SNAP91: variants seen among roughly 807,000 people sequenced by gnomAD.
The protein encoded by SNAP91 is synaptosome associated protein 91.
In SNAP91, 27 loss-of-function variants were observed where a neutral mutation model predicts 100.3. The ratio of observed to expected loss-of-function variants is 0.27; its 90% CI spans 0.20 to 0.37. The LOEUF is 0.37. SNAP91 is among the 10% of genes least tolerant of loss of function. The pLI is 1.00. For synonymous variants in SNAP91, 404 were observed against 398.6 expected (o/e 1.01, Z -0.16); for missense variants, 986 against 1,123.7 (o/e 0.88, Z 1.75).
At chr6:83,581,762 A>C (rs1217972817) in intron 23 of SNAP91, among the ~76,000 whole-genome samples, 5 of 152,242 alleles carry the variant, frequency 3.3e-5, no homozygotes, top group Non-Finnish European at 7.3e-5. Context: ...AAATGACAGC[A>C]GTGATGAAAG....
At chr6:83,601,654 C>G in intron 14 of SNAP91, 55 bp from the exon 15 acceptor site, 1 of 1,556,662 alleles carries the variant, frequency 6.4e-7, no homozygotes, top group South Asian at 1.1e-5. Flanking sequence ...AAAGTTGAAA[C>G]ATGCAACCAT....
chr6:83,692,536 T>A (rs1219056967), intron 2 of SNAP91, among the ~76,000 whole-genome samples: 1 of 151,976 alleles, frequency 6.6e-6, no homozygotes, highest in Non-Finnish European at 1.5e-5. Flanking sequence ...ATTACCTATT[T>A]AAATGTTACC....
At chr6:83,616,372 G>A (rs1041980265) in intron 10 of SNAP91, among the ~76,000 whole-genome samples, 1 of 152,164 alleles carries the variant, frequency 6.6e-6, no homozygotes, top group Non-Finnish European at 1.5e-5. Context: ...TTTCGTGCAT[G>A]TAGTGAGGAA....
At chr6:83,645,919 T>C (rs1222034679) in intron 7 of SNAP91, among the ~76,000 whole-genome samples, 1 of 152,214 alleles carries the variant, frequency 6.6e-6, no homozygotes, top group Admixed American at 6.5e-5. Flanking sequence ...GCTGAAAACA[T>C]GCCTTTTCAG....
At chr6:83,686,210 T>G in intron 2 of SNAP91, 2 of 985,322 alleles carry the variant, frequency 2.0e-6, no homozygotes, top group Non-Finnish European at 2.4e-6. Context: ...ACTTGAGTTC[T>G]TCCTGCACCG....
chr6:83,695,554 T>G (rs936906390), intron 2 of SNAP91, among the ~76,000 whole-genome samples: 1 of 152,162 alleles, frequency 6.6e-6, no homozygotes, highest in Admixed American at 6.5e-5. Context: ...ATTATTTACC[T>G]GATATAAAGC....
chr6:83,671,578 A>T (rs2098787269), intron 2 of SNAP91, among the ~76,000 whole-genome samples: 1 of 152,062 alleles, frequency 6.6e-6, no homozygotes, highest in Admixed American at 6.6e-5. Flanking sequence ...ATCTTGCCAC[A>T]AAGTATCAGT....
In SNAP91 at chr6:83,580,452, C is replaced by A. The variant is rs758177440; in HGVS notation, c.2297G>T (p.Gly766Val). The change falls in exon 24 of 30, where the codon GGC becomes GTC. Residue 766 changes from glycine to valine, a missense_variant and splice_region_variant. Physicochemically the swap from Gly to Val is moderately radical, Grantham distance 109. This residue lies in a region of SNAP91 where 575 missense variants were observed against 579.9 expected (regional missense o/e 0.99). Coordinates refer to ENST00000369694, the MANE Select transcript of SNAP91 (RefSeq NM_001242792.2). ...AAAAAAAAAACTAGATTACTCACTG[C>A]CTACTAAGCTGGCAAGAGATGAATC... ...DLDSSLASLV[G>V]NLGISGTTTK... 3.1e-6 allele frequency: 5 copies of A among 1,597,922 alleles called. No individual in the cohort carries two copies. Among genetic ancestry groups the A allele is most frequent in the Non-Finnish European group, 4.3e-6 (5 of 1,175,022 alleles).
intron 3 of SNAP91, among the ~76,000 whole-genome samples, chr6:83,663,859 A>G (rs1274142908): frequency 1.3e-5 from 2 of 152,106 alleles, no homozygotes; most frequent in East Asian, 3.8e-4. Flanking sequence ...AGAATACAGT[A>G]CCTGACTTCA....
At chr6:83,606,370 C>T (rs1222347726) in intron 13 of SNAP91, among the ~76,000 whole-genome samples, 2 of 152,156 alleles carry the variant, frequency 1.3e-5, no homozygotes, top group East Asian at 3.8e-4. Context: ...TTACCTAAAA[C>T]GACTACTGCA....
intron 2 of SNAP91, among the ~76,000 whole-genome samples, chr6:83,688,809 G>T (rs544098200): frequency 7.9e-5 from 12 of 152,174 alleles, no homozygotes; most frequent in East Asian, 1.9e-4. Flanking sequence ...ACTATCTTCA[G>T]GCAAAATTTG....
chr6:83,703,175 A>T (rs866576857), intron 2 of SNAP91, among the ~76,000 whole-genome samples: 1,579 of 146,080 alleles, frequency 0.011, 30 homozygotes, highest in African/African-American at 0.037. Flanking sequence ...TTTTTTTTTT[A>T]AACTAATAGT....
chr6:83,684,789 A>G (rs2099039098), intron 2 of SNAP91, among the ~76,000 whole-genome samples: 1 of 152,198 alleles, frequency 6.6e-6, no homozygotes, highest in Non-Finnish European at 1.5e-5. Flanking sequence ...AAAATCAGAA[A>G]CTATTTAATA....
intron 7 of SNAP91, among the ~76,000 whole-genome samples, chr6:83,645,501 T>G (rs113474556): frequency 6.6e-6 from 1 of 152,220 alleles, no homozygotes; most frequent in East Asian, 1.9e-4. Flanking sequence ...TTTGGACAAA[T>G]GTATAATGAC....
At chr6:83,702,143 G>T (rs1478693365) in intron 2 of SNAP91, among the ~76,000 whole-genome samples, 1 of 152,058 alleles carries the variant, frequency 6.6e-6, no homozygotes, top group Non-Finnish European at 1.5e-5. Flanking sequence ...TGAAACTAAG[G>T]ATAAATGTTT....
chr6:83,664,730 AG>A (rs1159364124), intron 3 of SNAP91, among the ~76,000 whole-genome samples: 2 of 152,172 alleles, frequency 1.3e-5, no homozygotes, highest in African/African-American at 2.4e-5. Flanking sequence ...CAGCTGATAA[AG>A]CAATAGCAAG....
chr6:83,704,902 A>G (rs1442628843), intron 2 of SNAP91, among the ~76,000 whole-genome samples: 1 of 152,206 alleles, frequency 6.6e-6, no homozygotes, highest in South Asian at 2.1e-4. Flanking sequence ...TTCAATGCCT[A>G]TAAAGAAACT....
intron 9 of SNAP91, among the ~76,000 whole-genome samples, chr6:83,619,942 A>C (rs2096647029): frequency 6.6e-6 from 1 of 152,216 alleles, no homozygotes; most frequent in Non-Finnish European, 1.5e-5. Context: ...GATCTAAGAA[A>C]CAATTTGAAA....
chr6:83,633,927 G>C lies in SNAP91; in HGVS notation c.765+7169C>G, dbSNP rs897851277. 8.2e-4 allele frequency among the ~76,000 whole-genome samples: 121 copies of C among 148,014 alleles called. 1 individual carries two copies. Among genetic ancestry groups the C allele is most frequent in the African/African-American group, 2.9e-3 (117 of 40,584 alleles). On this transcript the variant is annotated intron_variant, in intron 8 of 29. Coordinates refer to ENST00000369694, the MANE Select transcript of SNAP91 (RefSeq NM_001242792.2). ...TCAATCAGCATGGACACAGGAAGGG[G>C]AACATCACACACTGGGAACTGTTGT...
Sources: gnomAD v4.1 joint callset for allele counts (sites outside exome capture counted in the v4.1 genomes callset) on GRCh38, gnomAD v4.1.1 for gene constraint, gnomAD v4.1.1 regional missense constraint, MANE v1.5 for transcripts, NCBI Gene and HGNC (gene_info 2026-07-23, HGNC 2026-07-21) for gene names.